The following GRIK1 variants were observed in gnomAD, a reference collection of about 807,000 sequenced individuals.
The protein encoded by GRIK1 is glutamate receptor ionotropic, kainate 1.
A neutral mutation model predicts 105.7 loss-of-function variants in GRIK1; 69 were observed. The observed-to-expected ratio is 0.65, with a 90% CI of 0.54 to 0.80. The LOEUF is 0.80. Among genes scored for constraint, GRIK1 ranks in the 30% least tolerant of loss-of-function variants. GRIK1 has a pLI of 0.00. For missense variants in GRIK1, 1,109 were observed against 1,167.3 expected (o/e 0.95, Z 0.73); for synonymous variants, 438 against 431.3 (o/e 1.02, Z -0.19).
chr21:29,588,987 C>A lies in GRIK1; in HGVS notation c.1421G>T (p.Arg474Ile). 6.2e-7 allele frequency: 1 copy of A among 1,605,814 alleles called. No homozygotes were observed. Among genetic ancestry groups the A allele is most frequent in the Non-Finnish European group, 8.5e-7 (1 of 1,172,392 alleles). Residue 474 changes from arginine to isoleucine, a missense_variant, in exon 11 of 18, where the codon AGA becomes ATA. Arg to Ile is a moderately conservative substitution (Grantham distance 97). Coordinates refer to ENST00000327783, the MANE Select transcript of GRIK1 (RefSeq NM_001330994.2). ...KSDKPLYGND[R>I]FEGYCLDLLK... ...CAGGTCTAGGCAATATCCTTCAAAT[C>A]TGTCATTTCCATATAGAGGCTTATC...
intron 16 of GRIK1, among the ~76,000 whole-genome samples, chr21:29,540,018 G>T (rs2089943447): frequency 6.6e-6 from 1 of 152,072 alleles, no homozygotes; most frequent in African/African-American, 2.4e-5. Context: ...TGCTTTACTT[G>T]AACTCTCAAG....
chr21:29,583,276 C>T (rs1263445050), intron 12 of GRIK1, among the ~76,000 whole-genome samples: 1 of 152,046 alleles, frequency 6.6e-6, no homozygotes, highest in Non-Finnish European at 1.5e-5. Context: ...CTCTTATAGC[C>T]ATAGTAGTTT....
rs73897696 is a variant in GRIK1 at position 29,550,700 on chromosome 21, A to G, written c.2607+4352T>C. ...GATAGAGCTTGAGCCTCTAAATTAG[A>G]AAACCAATTTTCTAAACCAGATTCC... On this transcript the variant is annotated intron_variant, in intron 16 of 17. Coordinates refer to ENST00000327783, the MANE Select transcript of GRIK1 (RefSeq NM_001330994.2). Among the ~76,000 whole-genome samples the G allele has an allele frequency of 6.1e-3, 928 of 152,336 alleles. 9 individuals carry two copies. Among genetic ancestry groups the G allele is most frequent in the African/African-American group, 0.021 (868 of 41,576 alleles).
chr21:29,738,057 C>T (rs1263874481), intron 1 of GRIK1, among the ~76,000 whole-genome samples: 1 of 152,224 alleles, frequency 6.6e-6, no homozygotes, highest in Non-Finnish European at 1.5e-5. Flanking sequence ...CTGAGAGCAA[C>T]CATAGAGACA....
chr21:29,846,580 A>G (rs1166629711), intron 1 of GRIK1, among the ~76,000 whole-genome samples: 1 of 152,188 alleles, frequency 6.6e-6, no homozygotes, highest in African/African-American at 2.4e-5. Flanking sequence ...CACTAAGGAC[A>G]TCCATATTGT....
chr21:29,627,678 G>C (rs2062163242), intron 7 of GRIK1, among the ~76,000 whole-genome samples: 1 of 152,134 alleles, frequency 6.6e-6, no homozygotes, highest in East Asian at 1.9e-4. Context: ...ATTTTTCTTT[G>C]AATTTTGAAG....
At chr21:29,903,267 C>A (rs1482662758) in intron 1 of GRIK1, among the ~76,000 whole-genome samples, 1 of 152,044 alleles carries the variant, frequency 6.6e-6, no homozygotes, top group African/African-American at 2.4e-5. Context: ...GCAACAAAAG[C>A]CAAAATTGAC....
rs573789864 is a variant in GRIK1, at chr21:29,779,344, G to A, written c.119-85281C>T. ...TGGAGGTCAGTGAGTGAGTGTGTGT[G>A]TGTGTGTGTGTGTGTGTGCACGTGT... On this transcript the variant is annotated intron_variant, in intron 1 of 17. Transcript: ENST00000327783. Among the ~76,000 whole-genome samples the A allele has an allele frequency of 5.8e-3, 752 of 128,810 alleles. 8 individuals carry two copies. Among genetic ancestry groups the A allele is most frequent in the African/African-American group, 0.02 (720 of 35,606 alleles). The allele number at this position is 128,810 out of a possible 152,430, so 84.5% of individuals were successfully genotyped here. A position where few individuals can be genotyped will look rare whatever the true frequency, so the allele number is the denominator to read the frequency against.
At chr21:29,686,844 C>G (rs1028050387) in intron 3 of GRIK1, among the ~76,000 whole-genome samples, 1 of 152,196 alleles carries the variant, frequency 6.6e-6, no homozygotes, top group African/African-American at 2.4e-5. Flanking sequence ...AGTTGAGGCT[C>G]AGCTTCTCAG....
chr21:29,644,424 A>G (rs920813631), intron 6 of GRIK1, among the ~76,000 whole-genome samples: 7 of 152,224 alleles, frequency 4.6e-5, no homozygotes, highest in Admixed American at 3.9e-4. Context: ...GACGAAGTTA[A>G]TACTACTCAA....
intron 1 of GRIK1, among the ~76,000 whole-genome samples, chr21:29,712,071 T>C (rs1168480302): frequency 4.9e-5 from 6 of 123,492 alleles, no homozygotes; most frequent in Non-Finnish European, 1.0e-4. Flanking sequence ...TATAAGTATA[T>C]GTATACATAC....
intron 1 of GRIK1, among the ~76,000 whole-genome samples, chr21:29,776,985 G>A: frequency 6.6e-6 from 1 of 152,166 alleles, no homozygotes; most frequent in Non-Finnish European, 1.5e-5. Flanking sequence ...CAAGTATCAA[G>A]AAAGGGAAGT....
At position 29,546,510 on chromosome 21, in the gene GRIK1, T is replaced by C. The variant is rs561388793; in HGVS notation, c.2607+8542A>G. On this transcript the variant is annotated intron_variant, in intron 16 of 17. Transcript: ENST00000327783. ...TCATCCTCCCAAGTGTGAACTTGGC[T>C]CAGAGATGGTAAGTGGTTTAGGAAT... Among the ~76,000 whole-genome samples, 14 of 152,332 alleles carry C rather than the reference T, an allele frequency of 9.2e-5. No individual in the cohort carries two copies. In the South Asian group the frequency reaches 2.9e-3, roughly 32 times the overall value.
In GRIK1 at chr21:29,689,785, C is replaced by T. The variant is rs764901345; in HGVS notation, c.487G>A (p.Asp163Asn). ...DYAAISRAIL[D>N]LVLYYNWKTV... ...TTCCAGTTGTAATAGAGGACCAGAT[C>T]CAGGATCGCCCTGCTGATAGCTGCA... The change falls in exon 3 of 18, where the codon GAT becomes AAT. Residue 163 changes from aspartate to asparagine, a missense_variant. Physicochemically the swap from Asp to Asn is conservative, Grantham distance 23. This residue lies in a region of GRIK1 where 612 missense variants were observed against 586.0 expected (regional missense o/e 1.04). Coordinates refer to ENST00000327783, the MANE Select transcript of GRIK1 (RefSeq NM_001330994.2). 1 of 1,613,782 alleles carries T rather than the reference C, an allele frequency of 6.2e-7. No individual in the cohort carries two copies. The highest frequency in any genetic ancestry group is 2.2e-5 in the East Asian group (1 of 44,890).
At chr21:29,832,670 C>A (rs1282749420) in intron 1 of GRIK1, among the ~76,000 whole-genome samples, 1 of 152,178 alleles carries the variant, frequency 6.6e-6, no homozygotes, top group Non-Finnish European at 1.5e-5. Context: ...TGAGGTTTTA[C>A]AAGACAGTAG....
chr21:29,883,100 T>A (rs2069483524), intron 1 of GRIK1, among the ~76,000 whole-genome samples: 1 of 152,060 alleles, frequency 6.6e-6, no homozygotes, highest in South Asian at 2.1e-4. Context: ...CAATACTAAT[T>A]CAACAATGTC....
Position 29,537,371 on chromosome 21 carries a change from G to A in GRIK1, c.2709C>T (p.Asn903=), listed in dbSNP as rs141795974. ...SLGVEKCLSF[N]AIMEELGISL... is the part of the protein sequence containing the mutation. ...AGATTCCCAGTTCTTCCATGATAGC[G>A]TTGAAAGAGAGACACTAGGGAACAT... Residue 903 remains asparagine, a synonymous_variant, in exon 18 of 18, where the codon AAC becomes AAT. Coordinates refer to ENST00000327783, the MANE Select transcript of GRIK1 (RefSeq NM_001330994.2). 96 of 1,609,726 alleles carry A rather than the reference G, an allele frequency of 6.0e-5. No homozygotes were observed. Among genetic ancestry groups the A allele is most frequent in the Middle Eastern group, 1.7e-4 (1 of 6,036 alleles).
chr21:29,724,004 T>C (rs1242386905), intron 1 of GRIK1, among the ~76,000 whole-genome samples: 1 of 152,194 alleles, frequency 6.6e-6, no homozygotes, highest in Non-Finnish European at 1.5e-5. Flanking sequence ...ACAAGAACAT[T>C]AGCCCAGGAA....
chr21:29,693,803 C>T (rs548588370), intron 2 of GRIK1, 93 bp downstream of exon 2: 8 of 883,814 alleles, frequency 9.1e-6, no homozygotes, highest in Non-Finnish European at 1.5e-5. Context: ...CACAAAGATG[C>T]CCGCTTTAAA....
Sources: gnomAD v4.1 joint callset for allele counts (sites outside exome capture counted in the v4.1 genomes callset) on GRCh38, gnomAD v4.1.1 for gene constraint, gnomAD v4.1.1 regional missense constraint, MANE v1.5 for transcripts, NCBI Gene and HGNC (gene_info 2026-07-23, HGNC 2026-07-21) for gene names.